The following CUX1 variants were observed in gnomAD, a reference collection of about 807,000 sequenced individuals.
CUX1 encodes the protein cut like homeobox 1, also known as protein CASP.
Under a neutral mutation model 158.8 loss-of-function variants are expected in CUX1, and 31 were observed. The ratio of observed to expected loss-of-function variants is 0.20; its 90% confidence interval spans 0.15 to 0.26. CUX1 has a LOEUF of 0.26. CUX1 is among the 10% of genes least tolerant of loss of function. CUX1 has a pLI of 1.00. For synonymous variants in CUX1, 879 were observed against 862.1 expected (o/e 1.02, Z -0.34); for missense variants, 1,589 against 2,014.6 (o/e 0.79, Z 4.04).
At chr7:102,063,219 C>T (rs78611051) in intron 3 of CUX1, among the ~76,000 whole-genome samples, 2 of 151,510 alleles carry the variant, frequency 1.3e-5, no homozygotes, top group Admixed American at 6.6e-5. Context: ...TGCAGATGTG[C>T]GGGTCACTGC....
At chr7:102,172,122 G>A (rs1352599622) in intron 10 of CUX1, among the ~76,000 whole-genome samples, 1 of 152,134 alleles carries the variant, frequency 6.6e-6, no homozygotes, top group East Asian at 1.9e-4. Context: ...GTCTTCTTCT[G>A]TCGCCCAGGC....
chr7:102,156,510 A>C (rs1331571117), intron 8 of CUX1, among the ~76,000 whole-genome samples: 1 of 152,182 alleles, frequency 6.6e-6, no homozygotes, highest in Non-Finnish European at 1.5e-5. Context: ...TGCCAGGAGA[A>C]TGGCACCAAG....
chr7:101,816,831 C>CCCCCGGCCGG (rs1248640689), upstream of CUX1: 3 of 781,316 alleles, frequency 3.8e-6, no homozygotes, highest in African/African-American at 5.8e-5. Flanking sequence ...GCGCTCGCTA[C>CCCCCGGCCGG]CCCCGGCCGG....
intron 2 of CUX1, among the ~76,000 whole-genome samples, chr7:101,980,692 T>C (rs1459237395): frequency 6.6e-6 from 1 of 152,054 alleles, no homozygotes; most frequent in African/African-American, 2.4e-5. Context: ...CTTCTTCTGC[T>C]CTAGGCCAGC....
At chr7:101,858,214 A>T (rs1483095483) in intron 1 of CUX1, among the ~76,000 whole-genome samples, 3 of 152,248 alleles carry the variant, frequency 2.0e-5, no homozygotes, top group African/African-American at 7.2e-5. Context: ...TGCAGTATGT[A>T]GATTCCTTAA....
chr7:101,849,232 G>C (rs1239822840), intron 1 of CUX1, among the ~76,000 whole-genome samples: 1 of 151,498 alleles, frequency 6.6e-6, no homozygotes, highest in African/African-American at 2.4e-5. Flanking sequence ...TGTCATGGGG[G>C]TTTGTTGTAC....
chr7:102,278,592 C>CA (rs1484045918), intron 18 of CUX1, among the ~76,000 whole-genome samples: 2 of 102,200 alleles, frequency 2.0e-5, no homozygotes, highest in Non-Finnish European at 3.9e-5. Flanking sequence ...AACTCCGTCT[C>CA]AAAAATAAAA....
intron 1 of CUX1, among the ~76,000 whole-genome samples, chr7:101,835,798 C>T (rs10271358): frequency 0.014 from 2,156 of 152,232 alleles, 42 homozygotes; most frequent in African/African-American, 0.05. Flanking sequence ...TGCAATGGCG[C>T]GATCTTGGCT....
At chr7:102,147,148 G>A (rs565883163) in intron 8 of CUX1, among the ~76,000 whole-genome samples, 5 of 152,236 alleles carry the variant, frequency 3.3e-5, no homozygotes, top group Admixed American at 2.0e-4. Flanking sequence ...TGGGGCCACC[G>A]TGGAGTGTGA....
At chr7:102,205,291 A>G in intron 20 of CUX1, 121 bp downstream of exon 20, 1 of 737,416 alleles carries the variant, frequency 1.4e-6, no homozygotes, top group Non-Finnish European at 2.4e-6. Context: ...TGGGGAGCTG[A>G]AATATGGCAT....
intron 1 of CUX1, among the ~76,000 whole-genome samples, chr7:101,858,597 G>A (rs1033935587): frequency 4.6e-5 from 7 of 151,430 alleles, no homozygotes; most frequent in Admixed American, 1.3e-4. Context: ...CCTATGTTGA[G>A]TGAGTTAGTT....
Position 101,913,277 on chromosome 7 carries a change from G to A in CUX1, c.31-2838G>A, listed in dbSNP as rs370885853. ...TGCCAATCTGTTTCTGTGGTGGCGG[G>A]TGGCGGCTCGGTGTTAAATTTGGAG... On this transcript the variant is annotated intron_variant, in intron 1 of 23. Coordinates refer to ENST00000292535, the MANE Select transcript of CUX1 (RefSeq NM_181552.4). 1.2e-3 allele frequency: 1,038 copies of A among 881,198 alleles called. 15 individuals carry two copies. In the South Asian group the frequency reaches 0.014, roughly 12 times the overall value. The allele number at this position is 881,198 out of a possible 1,614,324, so 54.6% of individuals were successfully genotyped here. A position where few individuals can be genotyped will look rare whatever the true frequency, so the allele number is the denominator to read the frequency against.
chr7:102,060,942 A>ACTCTCACTG (rs1322369754), intron 3 of CUX1, among the ~76,000 whole-genome samples: 1 of 103,826 alleles, frequency 9.6e-6, no homozygotes, highest in Non-Finnish European at 1.8e-5. Flanking sequence ...TTGGAGACAG[A>ACTCTCACTG]CTCTCACTGT....
rs1369231033 is a variant in CUX1, at chr7:102,083,767, A to ATAC, written c.268+13350_268+13351insTAC. 6.1e-5 allele frequency among the ~76,000 whole-genome samples: 9 copies of ATAC among 147,082 alleles called. 1 individual carries two copies. Among genetic ancestry groups the ATAC allele is most frequent in the Non-Finnish European group, 1.2e-4 (8 of 65,238 alleles). On this transcript the variant is annotated intron_variant, in intron 4 of 23. Coordinates refer to ENST00000292535, the MANE Select transcript of CUX1 (RefSeq NM_181552.4). ...TAGTTCATCTTTAATTTCTCTGAGC[A>ATAC]GTATTTTACAGTTTTGATGTATAAA...
At chr7:101,936,205 T>G in intron 2 of CUX1, among the ~76,000 whole-genome samples, 1 of 113,756 alleles carries the variant, frequency 8.8e-6, no homozygotes, top group African/African-American at 3.4e-5. Context: ...ATAGAGACAG[T>G]GGGTTTTGAA....
In CUX1 at chr7:102,076,761, A is replaced by C. The variant is rs536161677; in HGVS notation, c.268+6344A>C. On this transcript the variant is annotated intron_variant, in intron 4 of 23. Transcript: ENST00000292535. ...TAATTGCGACCGGGTGCAGTGGCTC[A>C]CACCTGTAATCCCAGCACTTTGGGA... is the stretch of plus-strand genomic sequence containing the variant. Among the ~76,000 whole-genome samples, 10 of 152,112 alleles carry C rather than the reference A, an allele frequency of 6.6e-5. No individual in the cohort carries two copies. In the South Asian group the frequency reaches 2.1e-3, roughly 32 times the overall value.
At chr7:102,063,481 C>T (rs1825183919) in intron 3 of CUX1, among the ~76,000 whole-genome samples, 3 of 151,490 alleles carry the variant, frequency 2.0e-5, no homozygotes, top group Admixed American at 1.3e-4. Flanking sequence ...CGCGGCCTCC[C>T]GAGTTCACGC....
chr7:102,238,173 A>C (rs1799789134), intron 22 of CUX1, among the ~76,000 whole-genome samples: 1 of 152,120 alleles, frequency 6.6e-6, no homozygotes, highest in Admixed American at 6.5e-5. Flanking sequence ...GGAGGAGCAG[A>C]GTCTTCTCTA....
At chr7:102,041,803 G>T (rs1215429583) in intron 3 of CUX1, among the ~76,000 whole-genome samples, 2 of 151,832 alleles carry the variant, frequency 1.3e-5, no homozygotes, top group African/African-American at 2.4e-5. Flanking sequence ...AAGTAGCTGG[G>T]ACTACAGGTG....
Sources: gnomAD v4.1 joint callset for allele counts (sites outside exome capture counted in the v4.1 genomes callset) on GRCh38, gnomAD v4.1.1 for gene constraint, MANE v1.5 for transcripts, NCBI Gene and HGNC (gene_info 2026-07-23, HGNC 2026-07-21) for gene names.